NRXN3: variants seen among roughly 807,000 people sequenced by gnomAD.
NRXN3 encodes the protein neurexin 3, also known as neurexin III.
Under a neutral mutation model 137.6 loss-of-function variants are expected in NRXN3, and 32 were observed. The observed-to-expected ratio is 0.23, with a 90% CI of 0.18 to 0.31. The LOEUF is 0.31. Ranked by LOEUF, NRXN3 falls within the 10% of genes least tolerant of loss-of-function variation. The pLI is 1.00. For missense variants in NRXN3, 1,574 were observed against 2,062.5 expected (o/e 0.76, Z 4.59); for synonymous variants, 798 against 784.5 (o/e 1.02, Z -0.29).
intron 10 of NRXN3, among the ~76,000 whole-genome samples, chr14:78,830,690 CT>C (rs534735442): frequency 0.023 from 3,410 of 146,256 alleles, 80 homozygotes; most frequent in Admixed American, 0.068. Context: ...TTTAGGAGCT[CT>C]TTTTTTTTTC....
intron 1 of NRXN3, among the ~76,000 whole-genome samples, chr14:78,223,791 A>G (rs1171884210): frequency 6.6e-6 from 1 of 152,220 alleles, no homozygotes; most frequent in African/African-American, 2.4e-5. Context: ...AGGATCAGGA[A>G]TTCTGAAAAT....
At chr14:78,529,459 C>T (rs528914675) in intron 4 of NRXN3, among the ~76,000 whole-genome samples, 175 of 152,234 alleles carry the variant, frequency 1.1e-3, no homozygotes, top group Non-Finnish European at 1.8e-3. Flanking sequence ...AATGTCTTTT[C>T]TTTCTTTCTG....
chr14:79,838,285 A>G (rs1428730030), intron 20 of NRXN3, among the ~76,000 whole-genome samples: 2 of 152,204 alleles, frequency 1.3e-5, no homozygotes, highest in Non-Finnish European at 2.9e-5. Context: ...GATTAATACT[A>G]TGAAACAGGA....
At chr14:79,603,388 C>T (rs1266279354) in intron 16 of NRXN3, among the ~76,000 whole-genome samples, 4 of 152,158 alleles carry the variant, frequency 2.6e-5, no homozygotes, top group Non-Finnish European at 5.9e-5. Flanking sequence ...TTGCCCTGTC[C>T]CTGCATATCT....
chr14:79,003,572 A>G (rs1297572929), intron 15 of NRXN3, among the ~76,000 whole-genome samples: 1 of 152,166 alleles, frequency 6.6e-6, no homozygotes, highest in South Asian at 2.1e-4. Flanking sequence ...GAAGACCCGT[A>G]GCCAAACTCT....
intron 15 of NRXN3, among the ~76,000 whole-genome samples, chr14:79,221,295 T>C (rs2069621018): frequency 6.6e-6 from 1 of 152,120 alleles, no homozygotes; most frequent in African/African-American, 2.4e-5. Context: ...GGTCAAATGG[T>C]ATTTCTGGTT....
chr14:79,828,673 C>T (rs1170842659), intron 20 of NRXN3, among the ~76,000 whole-genome samples: 2 of 121,458 alleles, frequency 1.6e-5, no homozygotes, highest in African/African-American at 6.4e-5. Flanking sequence ...TTTTGCGTAC[C>T]AAATCCTATC....
intron 18 of NRXN3, among the ~76,000 whole-genome samples, chr14:79,697,315 T>C (rs1297767822): frequency 6.6e-6 from 1 of 152,032 alleles, no homozygotes; most frequent in African/African-American, 2.4e-5. Flanking sequence ...TGAGTGTTTC[T>C]TTCTGTCATC....
intron 20 of NRXN3, among the ~76,000 whole-genome samples, chr14:79,844,242 C>A (rs952536891): frequency 1.3e-5 from 2 of 151,576 alleles, no homozygotes; most frequent in Admixed American, 6.6e-5. Context: ...GGTCTTAAAC[C>A]CCTCAAAACT....
intron 16 of NRXN3, among the ~76,000 whole-genome samples, chr14:79,644,075 GATCA>G (rs2098443906): frequency 7.4e-6 from 1 of 135,456 alleles, no homozygotes; most frequent in Admixed American, 7.9e-5. Flanking sequence ...TATTAATAAT[GATCA>G]ATCTAAGTAT....
At chr14:79,238,255 T>C (rs2073744151) in intron 15 of NRXN3, among the ~76,000 whole-genome samples, 1 of 151,912 alleles carries the variant, frequency 6.6e-6, no homozygotes, top group African/African-American at 2.4e-5. Context: ...ATTATGTAGT[T>C]AGTTCTGGTT....
chr14:78,390,231 A>G (rs1348736867), intron 4 of NRXN3, among the ~76,000 whole-genome samples: 1 of 152,176 alleles, frequency 6.6e-6, no homozygotes, highest in African/African-American at 2.4e-5. Context: ...GTGGTTTTTA[A>G]GCTCCTAATT....
chr14:79,662,930 G>T (rs221439), intron 16 of NRXN3, among the ~76,000 whole-genome samples: 39,868 of 151,930 alleles, frequency 0.26, 5,557 homozygotes, highest in Middle Eastern at 0.42. Flanking sequence ...CAACTGAACA[G>T]GAGATTTGGG....
intron 2 of NRXN3, among the ~76,000 whole-genome samples, chr14:78,266,562 A>G (rs1002224832): frequency 7.9e-5 from 12 of 152,016 alleles, no homozygotes; most frequent in African/African-American, 1.2e-4. Flanking sequence ...CTCCCAAAGT[A>G]CTGGGATTAC....
chr14:79,817,077 T>C (rs2099253877), intron 20 of NRXN3, among the ~76,000 whole-genome samples: 1 of 152,116 alleles, frequency 6.6e-6, no homozygotes, highest in South Asian at 2.1e-4. Context: ...ATTATTTTTT[T>C]TTGGTCACTC....
chr14:78,574,175 G>C (rs1321051142), intron 4 of NRXN3, among the ~76,000 whole-genome samples: 1 of 152,254 alleles, frequency 6.6e-6, no homozygotes, highest in Non-Finnish European at 1.5e-5. Context: ...GTATGGGAAT[G>C]CCTGGATATC....
At position 79,124,037 on chromosome 14, in the gene NRXN3, G is replaced by A. The variant is rs567543638; in HGVS notation, c.3262+135896G>A. Among the ~76,000 whole-genome samples, 5 of 152,202 alleles carry A rather than the reference G, an allele frequency of 3.3e-5. No individual in the cohort carries two copies. In the Middle Eastern group the frequency reaches 0.017, roughly 518 times the overall value. ...CACCGAATGAGCAACAAATCTTGGCGTCTGAAAAATGTAGCACCTGACGCC... is the reference window on the plus strand; with the variant it reads ...CACCGAATGAGCAACAAATCTTGGCATCTGAAAAATGTAGCACCTGACGCC... On this transcript the variant is annotated intron_variant, in intron 15 of 20. Transcript: ENST00000335750.
At chr14:79,480,394 C>T (rs17758381) in intron 16 of NRXN3, among the ~76,000 whole-genome samples, 35,670 of 151,980 alleles carry the variant, frequency 0.23, 4,763 homozygotes, top group Admixed American at 0.35. Context: ...TTTGGTGTGA[C>T]GTGTGAATGA....
At chr14:78,893,208 T>C (rs1228631572) in intron 10 of NRXN3, among the ~76,000 whole-genome samples, 1 of 151,976 alleles carries the variant, frequency 6.6e-6, no homozygotes, top group African/African-American at 2.4e-5. Context: ...TCATGGGCTT[T>C]CTCTCTGCAA....
Sources: gnomAD v4.1 joint callset for allele counts (sites outside exome capture counted in the v4.1 genomes callset) on GRCh38, gnomAD v4.1.1 for gene constraint, MANE v1.5 for transcripts, NCBI Gene and HGNC (gene_info 2026-07-23, HGNC 2026-07-21) for gene names.